CFAP61: variants seen among roughly 807,000 people sequenced by gnomAD.
CFAP61 encodes cilia- and flagella-associated protein 61.
CFAP61 carries 107 observed loss-of-function variants against 135.6 expected under a neutral mutation model. The observed-to-expected ratio is 0.79, with a 90% CI of 0.67 to 0.93. The LOEUF (loss-of-function observed/expected upper bound fraction) is 0.93. CFAP61 is among the 40% of genes least tolerant of loss of function. CFAP61 has a pLI of 0.00. For synonymous variants in CFAP61, 575 were observed against 578.5 expected (o/e 0.99, Z 0.09); for missense variants, 1,507 against 1,556.2 (o/e 0.97, Z 0.53).
At chr20:20,265,572 C>T (rs1859591276) in intron 21 of CFAP61, 8 of 764,192 alleles carry the variant, frequency 1.0e-5, no homozygotes, top group Non-Finnish European at 1.7e-5. Flanking sequence ...TTTTGTCCAC[C>T]AAATAGCCAG....
At chr20:20,291,178 C>A (rs2054974973) in intron 24 of CFAP61, among the ~76,000 whole-genome samples, 1 of 152,058 alleles carries the variant, frequency 6.6e-6, no homozygotes, top group Admixed American at 6.5e-5. Flanking sequence ...TCAACTAAAG[C>A]CCATAGTTGA....
chr20:20,188,255 T>C (rs559539582), intron 14 of CFAP61, among the ~76,000 whole-genome samples, 199 bp downstream of exon 14: 5 of 151,928 alleles, frequency 3.3e-5, no homozygotes, highest in Non-Finnish European at 7.4e-5. Flanking sequence ...TCAGTGGGGA[T>C]CCCCCAGAGG....
chr20:20,241,311 C>T (rs1031763798), intron 18 of CFAP61, among the ~76,000 whole-genome samples: 6 of 151,980 alleles, frequency 3.9e-5, no homozygotes, highest in Non-Finnish European at 7.4e-5. Flanking sequence ...CAGTAGAGAA[C>T]TTGAAGGTTG....
At chr20:20,300,937 T>C (rs1021877467) in intron 25 of CFAP61, among the ~76,000 whole-genome samples, 2 of 152,024 alleles carry the variant, frequency 1.3e-5, no homozygotes. Flanking sequence ...AATGTTATTA[T>C]TACAAAAGAG....
chr20:20,131,081 G>A (rs1318389980), intron 8 of CFAP61, among the ~76,000 whole-genome samples: 1 of 151,770 alleles, frequency 6.6e-6, no homozygotes, highest in African/African-American at 2.4e-5. Context: ...TTGGGGGAAA[G>A]TGTGTCATAG....
intron 25 of CFAP61, among the ~76,000 whole-genome samples, chr20:20,304,476 T>C (rs1263404758): frequency 6.6e-6 from 1 of 151,964 alleles, no homozygotes; most frequent in African/African-American, 2.4e-5. Context: ...CTTAAAAGCA[T>C]TTGTGCCCCC....
At position 20,300,231 on chromosome 20, in the gene CFAP61, T is replaced by C. The variant is rs117011118; in HGVS notation, c.3422+1845T>C. ...AATAAATGACCATGTTACTGTCTTA[T>C]GTATTTACTATACTATACATTTTAT... On this transcript the variant is annotated intron_variant, in intron 25 of 26. Transcript: ENST00000245957. 6.4e-3 allele frequency among the ~76,000 whole-genome samples: 981 copies of C among 152,328 alleles called. 9 individuals are homozygous for C. Among genetic ancestry groups the C allele is most frequent in the Non-Finnish European group, 0.011 (735 of 68,018 alleles).
chr20:20,347,216 T>C (rs1350186820), intron 26 of CFAP61, among the ~76,000 whole-genome samples: 1 of 152,098 alleles, frequency 6.6e-6, no homozygotes, highest in Non-Finnish European at 1.5e-5. Flanking sequence ...AAAACTAAGA[T>C]ACAACATACC....
At chr20:20,147,149 G>A (rs1178821021) in intron 9 of CFAP61, among the ~76,000 whole-genome samples, 1 of 152,154 alleles carries the variant, frequency 6.6e-6, no homozygotes, top group Non-Finnish European at 1.5e-5. Context: ...CTTATTGGTT[G>A]ATGGACACTT....
intron 17 of CFAP61, chr20:20,214,400 G>A (rs544182476): frequency 6.6e-6 from 1 of 152,320 alleles, no homozygotes; most frequent in East Asian, 1.9e-4. Flanking sequence ...AATGGCAGGA[G>A]AATGGTCACC....
At chr20:20,265,513 T>G (rs1012707336) in intron 21 of CFAP61, 11 of 779,432 alleles carry the variant, frequency 1.4e-5, no homozygotes, top group Middle Eastern at 2.2e-4. Flanking sequence ...TTTCAAGATT[T>G]AAGACTGACT....
chr20:20,099,326 A>G (rs528868636), intron 8 of CFAP61, among the ~76,000 whole-genome samples: 36 of 152,336 alleles, frequency 2.4e-4, no homozygotes, highest in Non-Finnish European at 5.3e-4. Flanking sequence ...TTCTAGTTAT[A>G]TGAAATAATA....
At chr20:20,060,353 G>A (rs1489600486) in intron 2 of CFAP61, among the ~76,000 whole-genome samples, 1 of 152,122 alleles carries the variant, frequency 6.6e-6, no homozygotes, top group African/African-American at 2.4e-5. Context: ...GAGGAACAGA[G>A]AATACCTCAG....
chr20:20,298,719 G>A (rs2055832912), intron 25 of CFAP61, among the ~76,000 whole-genome samples: 2 of 152,172 alleles, frequency 1.3e-5, no homozygotes, highest in South Asian at 4.1e-4. Flanking sequence ...AATGTAGGAG[G>A]TCAATTTGGG....
intron 2 of CFAP61, chr20:20,069,637 A>G (rs897413320): frequency 1.2e-5 from 5 of 414,062 alleles, no homozygotes; most frequent in Non-Finnish European, 2.4e-5. Flanking sequence ...TCACGAAAAG[A>G]TAAGTCTGGA....
chr20:20,056,873 T>A lies in CFAP61; in HGVS notation c.143+77T>A, dbSNP rs2044382466. 2.2e-6 allele frequency: 3 copies of A among 1,358,790 alleles called. No individual in the cohort carries two copies. In the African/African-American group the frequency reaches 4.3e-5, roughly 20 times the overall value. The allele number at this position is 1,358,790 out of a possible 1,614,324, so 84.2% of individuals were successfully genotyped here. On this transcript the variant is annotated intron_variant, in intron 2 of 26. Coordinates refer to ENST00000245957, the MANE Select transcript of CFAP61 (RefSeq NM_015585.4). ...TAGCTCACACCTGTAATCTCAGCACTTTGAGAGGCCAAGGCAGGCAGATCA... is the reference window on the plus strand; with the variant it reads ...TAGCTCACACCTGTAATCTCAGCACATTGAGAGGCCAAGGCAGGCAGATCA...
At chr20:20,134,038 T>C (rs1220620754) in intron 8 of CFAP61, among the ~76,000 whole-genome samples, 2 of 152,150 alleles carry the variant, frequency 1.3e-5, no homozygotes, top group Non-Finnish European at 2.9e-5. Flanking sequence ...CATAGTCTAG[T>C]ATGTAGTGAG....
chr20:20,065,866 A>T (rs1021371990), intron 2 of CFAP61, among the ~76,000 whole-genome samples: 1 of 152,100 alleles, frequency 6.6e-6, no homozygotes. Flanking sequence ...TGAGCAATGG[A>T]TGTGAGGAAA....
intron 9 of CFAP61, among the ~76,000 whole-genome samples, chr20:20,146,265 A>G (rs2051875604): frequency 6.6e-6 from 1 of 152,212 alleles, no homozygotes; most frequent in South Asian, 2.1e-4. Flanking sequence ...GGATGAACTA[A>G]TGAGTGAAGA....
Sources: gnomAD v4.1 joint callset for allele counts (sites outside exome capture counted in the v4.1 genomes callset) on GRCh38, gnomAD v4.1.1 for gene constraint, MANE v1.5 for transcripts, NCBI Gene and HGNC (gene_info 2026-07-23, HGNC 2026-07-21) for gene names.